Variants in RANBP2 observed in about 807,000 individuals in gnomAD.
RANBP2 encodes RAN binding protein 2, also known as E3 SUMO-protein ligase RanBP2.
RANBP2 carries 57 observed loss-of-function variants against 303.6 expected under a neutral mutation model. That is an observed-to-expected ratio of 0.19 (90% CI 0.15 to 0.23). The LOEUF is 0.23. Ranked by LOEUF, RANBP2 falls within the 10% of genes least tolerant of loss-of-function variation. RANBP2 has a pLI of 1.00. For synonymous variants in RANBP2, 1,167 were observed against 1,301.5 expected, an observed-to-expected ratio of 0.90 and a Z score of 2.23; for missense variants, 3,138 against 3,780.8, an observed-to-expected ratio of 0.83 and a Z score of 4.46.
chr2:108,929,452 T>TG, the RANBP2 span: 1 of 1,504,130 alleles, frequency 6.6e-7, no homozygotes. Context: ...CCCACAGTCC[T>TG]TGGGCAGTGA....
chr2:109,026,167 G>A, the RANBP2 span, among the ~76,000 whole-genome samples: 2 of 152,078 alleles, frequency 1.3e-5, no homozygotes, highest in South Asian at 4.2e-4. Context: ...CTAGAGAAAG[G>A]GTCTCACTCT....
At chr2:108,942,554 C>G in the RANBP2 span, among the ~76,000 whole-genome samples, 2 of 152,264 alleles carry the variant, frequency 1.3e-5, no homozygotes, top group East Asian at 3.9e-4. Context: ...CCGTCTCCCT[C>G]CCGTTCTAGA....
chr2:109,063,120 A>G, the RANBP2 span, among the ~76,000 whole-genome samples: 13 of 152,112 alleles, frequency 8.5e-5, no homozygotes, highest in South Asian at 8.3e-4. Flanking sequence ...CTCCCATGCC[A>G]TTCCCCTAGG....
At chr2:109,224,543 G>A in the RANBP2 span, among the ~76,000 whole-genome samples, 4 of 152,196 alleles carry the variant, frequency 2.6e-5, no homozygotes, top group African/African-American at 9.6e-5. Flanking sequence ...TGTGGCCGGC[G>A]TGGCTCAGGA....
the RANBP2 span, among the ~76,000 whole-genome samples, chr2:109,444,321 A>G: frequency 6.6e-6 from 1 of 152,220 alleles, no homozygotes; most frequent in Non-Finnish European, 1.5e-5. Context: ...TAATATTTAA[A>G]AAGTCAACTC....
chr2:109,552,413 T>C, the RANBP2 span: 2 of 152,224 alleles, frequency 1.3e-5, no homozygotes, highest in African/African-American at 4.8e-5. Context: ...AAAATGTTTA[T>C]AGCTCATGGT....
At chr2:108,838,303 A>T in the RANBP2 span, among the ~76,000 whole-genome samples, 8 of 152,206 alleles carry the variant, frequency 5.3e-5, no homozygotes, top group African/African-American at 1.9e-4. Flanking sequence ...AGACGTCCAA[A>T]ACATCATAAT....
the RANBP2 span, among the ~76,000 whole-genome samples, chr2:108,938,482 T>C: frequency 6.6e-6 from 1 of 152,206 alleles, no homozygotes; most frequent in South Asian, 2.1e-4. Flanking sequence ...TCTTGGAGGA[T>C]TGCTCACGAA....
At chr2:108,815,460 T>TG in the RANBP2 span, among the ~76,000 whole-genome samples, 2 of 110,398 alleles carry the variant, frequency 1.8e-5, no homozygotes, top group East Asian at 3.0e-4. Flanking sequence ...AGGTTTTTGG[T>TG]GTTTTTTTTT....
chr2:108,886,707 C>T, the RANBP2 span, among the ~76,000 whole-genome samples: 1 of 147,692 alleles, frequency 6.8e-6, no homozygotes, highest in Non-Finnish European at 1.5e-5. Flanking sequence ...CCACCATGCC[C>T]GGCCCCCTTT....
the RANBP2 span, among the ~76,000 whole-genome samples, chr2:109,326,851 G>A: frequency 6.6e-6 from 1 of 152,222 alleles, no homozygotes; most frequent in Non-Finnish European, 1.5e-5. Flanking sequence ...GGTGCGCACA[G>A]CCACTGGCCC....
chr2:108,919,812 C>T, the RANBP2 span, among the ~76,000 whole-genome samples: 1 of 152,232 alleles, frequency 6.6e-6, no homozygotes, highest in African/African-American at 2.4e-5. Context: ...GAAGCTGCCT[C>T]ATGGGGAGCC....
chr2:108,994,794 T>TTATA, the RANBP2 span, among the ~76,000 whole-genome samples: 3 of 114,826 alleles, frequency 2.6e-5, no homozygotes, highest in African/African-American at 1.1e-4. Context: ...GTGCATTGGG[T>TTATA]TATATATATA....
At chr2:109,066,736 C>T in the RANBP2 span, among the ~76,000 whole-genome samples, 2 of 151,962 alleles carry the variant, frequency 1.3e-5, no homozygotes, top group South Asian at 2.1e-4. Context: ...TGGGGGATGG[C>T]GGGGCAGGGG....
the RANBP2 span, among the ~76,000 whole-genome samples, chr2:109,528,085 G>T: frequency 2.0e-5 from 3 of 152,228 alleles, no homozygotes; most frequent in African/African-American, 7.2e-5. Context: ...CCCAGCAGCT[G>T]AAGGGAGGTC....
At chr2:108,827,594 ATC>A in the RANBP2 span, among the ~76,000 whole-genome samples, 9,041 of 152,142 alleles carry the variant, frequency 0.059, 315 homozygotes, top group South Asian at 0.15. Context: ...AGGTGGGCGG[ATC>A]ACGAGGTCAG....
At chr2:109,545,608 A>T in the RANBP2 span, 1 of 1,531,878 alleles carries the variant, frequency 6.5e-7, no homozygotes, top group Non-Finnish European at 8.7e-7. Flanking sequence ...ACTGAACCTA[A>T]GAATTAATTC....
chr2:108,866,598 A>T, the RANBP2 span, among the ~76,000 whole-genome samples: 1 of 152,182 alleles, frequency 6.6e-6, no homozygotes, highest in Admixed American at 6.5e-5. Context: ...GAAATGATTA[A>T]AATAGGCCAG....
intron 6 of RANBP2, among the ~76,000 whole-genome samples, chr2:108,736,699 AC>A (rs1396871115): frequency 6.6e-6 from 1 of 152,160 alleles, no homozygotes; most frequent in African/African-American, 2.4e-5. Flanking sequence ...AAACAAAATA[AC>A]TCAACTATGT....
Sources: gnomAD v4.1 joint callset for allele counts (sites outside exome capture counted in the v4.1 genomes callset) on GRCh38, gnomAD v4.1.1 for gene constraint, MANE v1.5 for transcripts, NCBI Gene and HGNC (gene_info 2026-07-23, HGNC 2026-07-21) for gene names.